BDH1: variants seen among roughly 807,000 people sequenced by gnomAD.
BDH1 encodes the protein 3-hydroxybutyrate dehydrogenase 1.
A neutral mutation model predicts 33.1 loss-of-function variants in BDH1; 30 were observed. That is an observed-to-expected ratio of 0.91 (90% CI 0.68 to 1.23). The LOEUF is 1.23. Ranked by LOEUF, BDH1 falls within the 50% of genes most tolerant of loss-of-function variation. The pLI, the probability that BDH1 is intolerant of heterozygous loss-of-function variation, is 0.00. For missense variants in BDH1, 443 were observed against 464.4 expected (o/e 0.95, Z 0.42); for synonymous variants, 190 against 183.6 (o/e 1.03, Z -0.28).
intron 1 of BDH1, among the ~76,000 whole-genome samples, chr3:197,570,045 C>T (rs1717557827): frequency 6.6e-6 from 1 of 152,158 alleles, no homozygotes; most frequent in African/African-American, 2.4e-5. Context: ...CAATGAAATC[C>T]AGGCTGAGGT....
At chr3:197,529,021 T>C (rs1714397565) in intron 5 of BDH1, 1 of 152,192 alleles carries the variant, frequency 6.6e-6, no homozygotes, top group African/African-American at 2.4e-5. Context: ...GCATCATGGT[T>C]CTTGCTGGGA....
rs1712719376 is a variant in BDH1 at position 197,516,323 on chromosome 3, C to T, written c.410-1907G>A. 6.6e-6 allele frequency among the ~76,000 whole-genome samples: 1 copy of T among 152,148 alleles called. No individual in the cohort carries two copies. Among genetic ancestry groups the T allele is most frequent in the South Asian group, 2.1e-4 (1 of 4,816 alleles). Reference sequence around the variant, plus strand: ...AATATCCCATGACTTAAAATGCATACAGCCCTTTCTCTACCTAAAAATAAA... The same window carrying T: ...AATATCCCATGACTTAAAATGCATATAGCCCTTTCTCTACCTAAAAATAAA... On this transcript the variant is annotated intron_variant, in intron 6 of 7. Transcript: ENST00000392379. The surrounding 1 kb of genome is among the most constrained non-coding windows in gnomAD (Gnocchi z 4.2).
intron 4 of BDH1, 23 bp from the exon 5 acceptor site, chr3:197,532,545 A>G (rs781404342): frequency 6.3e-7 from 1 of 1,590,164 alleles, no homozygotes; most frequent in South Asian, 1.1e-5. Context: ...GTCAGATTCC[A>G]TGTTAGGAAC....
intron 3 of BDH1, among the ~76,000 whole-genome samples, chr3:197,545,916 C>G (rs372540556): frequency 1.3e-5 from 2 of 152,178 alleles, no homozygotes; most frequent in African/African-American, 4.8e-5. Context: ...GCGGGTGGAT[C>G]ACCTGAGGTC....
chr3:197,547,335 A>G (rs906568068), intron 2 of BDH1, among the ~76,000 whole-genome samples: 1 of 152,190 alleles, frequency 6.6e-6, no homozygotes, highest in African/African-American at 2.4e-5. Flanking sequence ...TCCTTTGCCT[A>G]CCTGGCTGTA....
At chr3:197,515,429 C>T in intron 6 of BDH1, 2 of 985,818 alleles carry the variant, frequency 2.0e-6, no homozygotes, top group Non-Finnish European at 2.4e-6. Flanking sequence ...TGTCTCCCTG[C>T]AGACGCGCCC....
intron 1 of BDH1, among the ~76,000 whole-genome samples, chr3:197,564,319 T>TA (rs397875735): frequency 9.5e-4 from 144 of 151,876 alleles, no homozygotes; most frequent in Admixed American, 2.8e-3. Context: ...GGATTTATTT[T>TA]AAAAAAACCT....
At position 197,568,303 on chromosome 3, in the gene BDH1, T is replaced by G. The variant is rs78124193; in HGVS notation, c.-44+4878A>C. On this transcript the variant is annotated intron_variant, in intron 1 of 6. Coordinates refer to the BDH1 transcript ENST00000358186. ...TAAAGTTTTGTGGGTTTTTTTTTTT[T>G]GGCTGGAAATCATACCCTTAATCTG... Among the ~76,000 whole-genome samples, 150 of 151,812 alleles carry G rather than the reference T, an allele frequency of 9.9e-4. 1 individual carries two copies. Among genetic ancestry groups the G allele is most frequent in the African/African-American group, 3.3e-3 (138 of 41,246 alleles).
At chr3:197,527,294 T>C (rs984728931) in intron 5 of BDH1, among the ~76,000 whole-genome samples, 38 of 151,918 alleles carry the variant, frequency 2.5e-4, no homozygotes, top group African/African-American at 8.9e-4. Flanking sequence ...CGAGCAAGGG[T>C]GGTTTATTTG....
chr3:197,536,188 A>G (rs973926913), intron 3 of BDH1, among the ~76,000 whole-genome samples: 5 of 152,118 alleles, frequency 3.3e-5, no homozygotes, highest in African/African-American at 1.2e-4. Flanking sequence ...TCTTTCCTCT[A>G]TTGAATTGCT....
intron 3 of BDH1, chr3:197,533,969 A>G (rs968489773): frequency 1.0e-4 from 18 of 173,696 alleles, no homozygotes. Context: ...GCCTGCTGCA[A>G]TTTTGATGTC....
At chr3:197,540,136 C>T (rs1013746782) in intron 3 of BDH1, among the ~76,000 whole-genome samples, 6 of 151,958 alleles carry the variant, frequency 3.9e-5, no homozygotes, top group African/African-American at 1.4e-4. Flanking sequence ...CTGCAACCTC[C>T]GCCTCCCGGG....
intron 5 of BDH1, among the ~76,000 whole-genome samples, chr3:197,527,262 A>G (rs978040427): frequency 6.6e-6 from 1 of 152,250 alleles, no homozygotes; most frequent in Non-Finnish European, 1.5e-5. Context: ...CTGAGAGCAT[A>G]GAGTCAAGAA....
At chr3:197,517,211 C>T (rs1233691291) in intron 6 of BDH1, among the ~76,000 whole-genome samples, 2 of 150,838 alleles carry the variant, frequency 1.3e-5, no homozygotes, top group Non-Finnish European at 3.0e-5. Context: ...CCATCAGTCA[C>T]TTCCTGCTCT....
chr3:197,532,472 G>C lies in BDH1; in HGVS notation c.207C>G (p.Phe69Leu). The C allele has an allele frequency of 6.2e-7, 1 of 1,614,230 alleles. No individual in the cohort carries two copies. Among genetic ancestry groups the C allele is most frequent in the East Asian group, 2.2e-5 (1 of 44,886 alleles). The change falls in exon 5 of 8, where the codon TTC (phenylalanine) becomes TTG (leucine). Residue 69 changes from phenylalanine to leucine, a missense_variant. By Grantham distance (22) the Phe-to-Leu change is conservative (BLOSUM62 0). Coordinates refer to ENST00000392379, the MANE Select transcript of BDH1 (RefSeq NM_203314.3). ...LVTGCDSGFG[F>L]SLAKHLHSKG... Reference sequence around the variant, plus strand: ...TTGAATGCAGATGCTTGGCCAATGAGAACCCAAATCCAGAGTCACAGCCTG... The same window carrying C: ...TTGAATGCAGATGCTTGGCCAATGACAACCCAAATCCAGAGTCACAGCCTG...
chr3:197,517,232 T>TC (rs568404642), intron 6 of BDH1, among the ~76,000 whole-genome samples: 6 of 118,262 alleles, frequency 5.1e-5, no homozygotes, highest in African/African-American at 1.7e-4. Context: ...ATGGTCTCCA[T>TC]CCCCCCTCAG....
rs763305362 is a variant in BDH1 at position 197,514,406 on chromosome 3, G to T, written c.420C>A (p.Gly140=). 1.2e-6 allele frequency: 2 copies of T among 1,607,498 alleles called. No individual in the cohort carries two copies. Among genetic ancestry groups the T allele is most frequent in the South Asian group, 1.1e-5 (1 of 90,018 alleles). The change falls in exon 7 of 8, where the codon GGC becomes GGA. Residue 140 remains glycine (G), a synonymous_variant. Transcript: ENST00000392379. The surrounding 1 kb of genome is among the most constrained non-coding windows in gnomAD (Gnocchi z 4.2). ...TTGAGATGCCGGCATTGTTAACGAGGCCCCACATGCCTGGACAGGAGAGGG... is the reference window on the plus strand; with the variant it reads ...TTGAGATGCCGGCATTGTTAACGAGTCCCCACATGCCTGGACAGGAGAGGG... ...SLKDPEKGMW[G]LVNNAGISTF...
At chr3:197,544,474 C>A (rs1331447564) in intron 3 of BDH1, among the ~76,000 whole-genome samples, 1 of 152,176 alleles carries the variant, frequency 6.6e-6, no homozygotes, top group Non-Finnish European at 1.5e-5. Context: ...AAAAAAACTC[C>A]AGAAATCTCT....
At position 197,523,578 on chromosome 3, in the gene BDH1, G is replaced by A. The variant is rs778326405; in HGVS notation, c.268-797C>T. ...AACAGGAGAAAGGCGTCACTCGCTC[G>A]GCAAACATTTCTTGGGCCCCTATCG... On this transcript the variant is annotated intron_variant, in intron 5 of 7. Coordinates refer to ENST00000392379, the MANE Select transcript of BDH1 (RefSeq NM_203314.3). The surrounding 1 kb of genome is among the most constrained non-coding windows in gnomAD (Gnocchi z 4.5). 3.3e-5 allele frequency among the ~76,000 whole-genome samples: 5 copies of A among 152,180 alleles called. No individual in the cohort carries two copies. The highest frequency in any genetic ancestry group is 1.3e-4 in the Admixed American group (2 of 15,276).
Sources: allele counts gnomAD v4.1 joint callset (sites outside exome capture counted in the v4.1 genomes callset), GRCh38; gene constraint gnomAD v4.1.1; non-coding constraint Gnocchi (gnomAD v3.1); transcripts MANE v1.5; gene names NCBI Gene and HGNC (gene_info 2026-07-23, HGNC 2026-07-21).